Variants in RAB11FIP4 observed in about 807,000 individuals in gnomAD.
The protein encoded by RAB11FIP4 is rab11 family-interacting protein 4.
Under a neutral mutation model 74.3 loss-of-function variants are expected in RAB11FIP4, and 23 were observed. The ratio of observed to expected loss-of-function variants is 0.31; its 90% CI spans 0.22 to 0.44. The LOEUF is 0.44. RAB11FIP4 is among the 20% of genes least tolerant of loss of function. RAB11FIP4 has a pLI of 1.00. For missense variants in RAB11FIP4, 630 were observed against 863.9 expected (o/e 0.73, Z 3.39); for synonymous variants, 360 against 359.9 (o/e 1.00, Z 0.00).
chr17:31,417,492 G>A (rs960604272), intron 1 of RAB11FIP4, among the ~76,000 whole-genome samples: 5 of 152,126 alleles, frequency 3.3e-5, no homozygotes, highest in Admixed American at 2.0e-4. Context: ...TAAAAATGCT[G>A]GGGAGTTTCA....
chr17:31,460,256 C>A (rs951524936), intron 3 of RAB11FIP4, among the ~76,000 whole-genome samples: 1 of 152,220 alleles, frequency 6.6e-6, no homozygotes, highest in Admixed American at 6.5e-5. Flanking sequence ...ATGCTTAACT[C>A]AGAACCTGAC....
At chr17:31,529,953 A>T (rs924479670) in intron 13 of RAB11FIP4, among the ~76,000 whole-genome samples, 7 of 152,120 alleles carry the variant, frequency 4.6e-5, no homozygotes, top group African/African-American at 1.7e-4. Context: ...AGCCAAGGAA[A>T]TGAGCTGGCC....
chr17:31,401,995 TTACCCATCCATC>T, intron 1 of RAB11FIP4, among the ~76,000 whole-genome samples: 1 of 152,140 alleles, frequency 6.6e-6, no homozygotes, highest in Middle Eastern at 3.4e-3. Flanking sequence ...AAGCATCCAC[TTACCCATCCATC>T]TACCCATCCA....
intron 14 of RAB11FIP4, 63 bp downstream of exon 14, chr17:31,530,532 C>T: frequency 6.3e-7 from 1 of 1,579,830 alleles, no homozygotes; most frequent in East Asian, 2.3e-5. Context: ...TTCTCCCGGC[C>T]CCCACCTGCC....
chr17:31,527,758 G>T (rs2072792053), intron 10 of RAB11FIP4, 84 bp from the exon 11 acceptor site: 1 of 940,398 alleles, frequency 1.1e-6, no homozygotes, highest in East Asian at 2.7e-5. Flanking sequence ...CTGGGAGGAA[G>T]CAGAGAATCA....
In RAB11FIP4 at chr17:31,505,613, TA is replaced by T. The variant is rs1284123518; in HGVS notation, c.337-12037del. Among the ~76,000 whole-genome samples, 67 of 35,250 alleles carry T rather than the reference TA, an allele frequency of 1.9e-3. 1 individual carries two copies. Among genetic ancestry groups the T allele is most frequent in the African/African-American group, 9.0e-3 (65 of 7,210 alleles). The allele number at this position is 35,250 out of a possible 152,430, so 23.1% of individuals were successfully genotyped here. ...ATTATATATTATATAATAATAATTATATATAATATATAATTATATAATAATA... is the reference window on the plus strand; with the variant it reads ...ATTATATATTATATAATAATAATTATTATAATATATAATTATATAATAATA... On this transcript the variant is annotated intron_variant, in intron 3 of 14. Transcript: ENST00000621161.
intron 3 of RAB11FIP4, among the ~76,000 whole-genome samples, chr17:31,462,018 T>A (rs2071638579): frequency 6.6e-6 from 1 of 152,018 alleles, no homozygotes. Context: ...TCCCAACACT[T>A]TGGGAGGCCA....
chr17:31,393,345 G>A (rs1327847386), intron 1 of RAB11FIP4, among the ~76,000 whole-genome samples: 1 of 152,234 alleles, frequency 6.6e-6, no homozygotes, highest in Non-Finnish European at 1.5e-5. Flanking sequence ...GGGGCAGGCT[G>A]AGCAGACTCC....
At chr17:31,412,402 G>A (rs2071106793) in intron 1 of RAB11FIP4, among the ~76,000 whole-genome samples, 1 of 152,222 alleles carries the variant, frequency 6.6e-6, no homozygotes, top group Non-Finnish European at 1.5e-5. Flanking sequence ...GTCCAGGAAA[G>A]CCTCCGGGTA....
At chr17:31,419,211 T>G (rs991398874) in intron 1 of RAB11FIP4, among the ~76,000 whole-genome samples, 9 of 152,176 alleles carry the variant, frequency 5.9e-5, no homozygotes, top group African/African-American at 2.2e-4. Flanking sequence ...TGTGTGTGAA[T>G]GTAAGTTTTC....
chr17:31,516,595 G>C (rs200439597), intron 3 of RAB11FIP4, among the ~76,000 whole-genome samples: 4 of 152,280 alleles, frequency 2.6e-5, no homozygotes, highest in Admixed American at 2.6e-4. Context: ...TCAGCCTCCC[G>C]AGTAGCTGGG....
intron 1 of RAB11FIP4, among the ~76,000 whole-genome samples, chr17:31,395,470 G>A (rs760290911): frequency 9.9e-5 from 15 of 152,174 alleles, no homozygotes; most frequent in African/African-American, 3.6e-4. Flanking sequence ...GGACAACATC[G>A]ATAGTGACAG....
At chr17:31,484,599 C>G (rs1881349184) in intron 3 of RAB11FIP4, among the ~76,000 whole-genome samples, 1 of 152,094 alleles carries the variant, frequency 6.6e-6, no homozygotes, top group Non-Finnish European at 1.5e-5. Context: ...TCTAATCTCA[C>G]CCATCAGATA....
Position 31,391,885 on chromosome 17 carries a change from C to T in RAB11FIP4, c.33C>T (p.Pro11=). MAGGAGWSGA[P]AALLRSVRRL... ...GCGGCGCGGGCTGGTCGGGCGCCCC[C>T]GCGGCTCTGCTGCGCTCCGTGCGCC... The change falls in exon 1 of 15, where the codon CCC becomes CCT. Residue 11 remains proline (P), a synonymous_variant. Coordinates refer to ENST00000621161, the MANE Select transcript of RAB11FIP4 (RefSeq NM_032932.6). The T allele has an allele frequency of 8.3e-7, 1 of 1,205,216 alleles. No individual in the cohort carries two copies. Among genetic ancestry groups the T allele is most frequent in the Non-Finnish European group, 1.0e-6 (1 of 973,340 alleles). 74.7% of individuals were successfully genotyped at this position (1,205,216 alleles called of 1,614,324 possible). A position where few individuals can be genotyped will look rare whatever the true frequency, so the allele number is the denominator to read the frequency against.
intron 3 of RAB11FIP4, among the ~76,000 whole-genome samples, chr17:31,513,139 G>C (rs112206489): frequency 0.024 from 3,727 of 152,192 alleles, 143 homozygotes; most frequent in African/African-American, 0.085. Context: ...ATGACCCCCA[G>C]TCTACTTGGA....
In RAB11FIP4 at chr17:31,523,505, C is replaced by G. The variant is rs1226671566; in HGVS notation, c.930-7C>G. 1 of 1,612,564 alleles carries G rather than the reference C, an allele frequency of 6.2e-7. No homozygotes were observed. Among genetic ancestry groups the G allele is most frequent in the Non-Finnish European group, 8.5e-7 (1 of 1,178,680 alleles). ...TGCAGCCAGACACCCTCCTCCCACC[C>G]CTGCAGGCAGCTCATGCACAGCAGC... On this transcript the variant is annotated splice_polypyrimidine_tract_variant and splice_region_variant and intron_variant, in intron 7 of 14. Transcript: ENST00000621161.
chr17:31,392,060 C>CCCCCCCCCA (rs2151610382), intron 1 of RAB11FIP4, 49 bp downstream of exon 1: 1 of 1,172,992 alleles, frequency 8.5e-7, no homozygotes, highest in East Asian at 3.7e-5. Flanking sequence ...AGCCCAGCCC[C>CCCCCCCCCA]GCCGCCCCTC....
At chr17:31,457,510 C>A (rs548104369) in intron 3 of RAB11FIP4, among the ~76,000 whole-genome samples, 1 of 152,146 alleles carries the variant, frequency 6.6e-6, no homozygotes, top group African/African-American at 2.4e-5. Flanking sequence ...CCCAGTCCCC[C>A]CTGGAACTGG....
At chr17:31,460,405 T>C (rs2065072630) in intron 3 of RAB11FIP4, among the ~76,000 whole-genome samples, 1 of 152,078 alleles carries the variant, frequency 6.6e-6, no homozygotes, top group Non-Finnish European at 1.5e-5. Flanking sequence ...TTTGGACAGG[T>C]TGTGTCATCT....
Sources: gnomAD v4.1 joint callset for allele counts (sites outside exome capture counted in the v4.1 genomes callset) on GRCh38, gnomAD v4.1.1 for gene constraint, MANE v1.5 for transcripts, NCBI Gene and HGNC (gene_info 2026-07-23, HGNC 2026-07-21) for gene names.